NAV1: variants seen among roughly 807,000 people sequenced by gnomAD.
NAV1 encodes pore membrane and/or filament interacting like protein 3.
Under a neutral mutation model 175.2 loss-of-function variants are expected in NAV1, and 18 were observed. The ratio of observed to expected loss-of-function variants is 0.10; its 90% CI spans 0.07 to 0.15. The LOEUF (loss-of-function observed/expected upper bound fraction) is 0.15. Among genes scored for constraint, NAV1 ranks in the 10% least tolerant of loss-of-function variants. The pLI is 1.00. For missense variants in NAV1, 1,731 were observed against 2,436.6 expected (o/e 0.71, Z 6.10); for synonymous variants, 897 against 978.7 (o/e 0.92, Z 1.56).
chr1:201,550,005 C>A (rs1665804684), intron 1 of NAV1, among the ~76,000 whole-genome samples: 2 of 95,320 alleles, frequency 2.1e-5, no homozygotes, highest in Non-Finnish European at 3.9e-5. Flanking sequence ...AGCGAGACTC[C>A]ATCTCAAAAA....
intron 1 of NAV1, among the ~76,000 whole-genome samples, chr1:201,659,212 A>C (rs1015215368): frequency 6.6e-6 from 1 of 152,240 alleles, no homozygotes; most frequent in South Asian, 2.1e-4. Flanking sequence ...TGGCAGGCAT[A>C]AGTGGTGTGG....
chr1:201,809,081 AT>A, intron 20 of NAV1, 82 bp from the exon 25 acceptor site: 1 of 1,438,188 alleles, frequency 7.0e-7, no homozygotes, highest in Non-Finnish European at 9.7e-7. Context: ...AAACAGAGTT[AT>A]TTTGGAAAGG....
exon 30 of NAV1, chr1:201,826,520 G>A (rs957278261): frequency 3.3e-5 from 5 of 152,084 alleles, no homozygotes; most frequent in African/African-American, 4.8e-5. Flanking sequence ...GACAGAGTCC[G>A]TGTTTCTCAA....
Position 201,642,094 on chromosome 1 carries a change from C to T in NAV1, c.5-6540C>T, listed in dbSNP as rs1437211184. Among the ~76,000 whole-genome samples the T allele has an allele frequency of 3.4e-5, 5 of 149,118 alleles. No homozygotes were observed. The East Asian group carries it at 7.9e-4, about 24-fold the overall frequency. On this transcript the variant is annotated intron_variant, in intron 2 of 29. Transcript: ENST00000367302. ...TTCCTTCCTCCCTCCCTCCCTCCTT[C>T]CTTCCCTTCCTCTTTCTTTCTTCCC...
chr1:201,810,527 G>A lies in NAV1; in HGVS notation c.4566G>A (p.Leu1522=). The A allele has an allele frequency of 6.2e-7, 1 of 1,608,642 alleles. No homozygotes were observed. The highest frequency in any genetic ancestry group is 8.5e-7 in the Non-Finnish European group (1 of 1,177,518). ...CTTTCTGGGGTGGGGGTTCAGGTCTGAAGGAGAAATGCGTCGACAGCCTGG... is the reference window on the plus strand; with the variant it reads ...CTTTCTGGGGTGGGGGTTCAGGTCTAAAGGAGAAATGCGTCGACAGCCTGG... Residue 1522 remains leucine (L), a synonymous_variant, in exon 24 of 30, where the codon CTG becomes CTA. Transcript: ENST00000367296. The surrounding 1 kb of genome is among the most constrained non-coding windows in gnomAD (Gnocchi z 6.0).
At chr1:201,621,848 C>T (rs1037546182), upstream of NAV1, among the ~76,000 whole-genome samples, 4 of 152,146 alleles carry the variant, frequency 2.6e-5, no homozygotes, top group African/African-American at 4.8e-5. Context: ...CATTTTTTAA[C>T]CTTTAACTCT....
chr1:201,763,404 A>G (rs770321135), intron 3 of NAV1, among the ~76,000 whole-genome samples: 1 of 152,206 alleles, frequency 6.6e-6, no homozygotes, highest in Non-Finnish European at 1.5e-5. Context: ...TGAGATTCTC[A>G]GTTATCTTTC....
intron 3 of NAV1, among the ~76,000 whole-genome samples, chr1:201,730,887 G>A (rs1458082726): frequency 6.6e-6 from 1 of 152,236 alleles, no homozygotes; most frequent in Non-Finnish European, 1.5e-5. Flanking sequence ...CACTGCAGCT[G>A]AAGAAAGGCC....
chr1:201,628,252 G>A (rs1232666036), intron 1 of NAV1, among the ~76,000 whole-genome samples: 2 of 151,854 alleles, frequency 1.3e-5, no homozygotes, highest in African/African-American at 4.8e-5. Flanking sequence ...ACCCCACCCT[G>A]CACTATCCCC....
At chr1:201,817,261 A>G (rs1571522740) in exon 29 of NAV1, 21 of 1,613,930 alleles carry the variant, frequency 1.3e-5, no homozygotes, top group Non-Finnish European at 1.6e-5. Flanking sequence ...ACAGCACCCC[A>G]AGTTCTCTGG....
chr1:201,592,933 T>C (rs1333623475), intron 2 of NAV1, among the ~76,000 whole-genome samples: 1 of 152,028 alleles, frequency 6.6e-6, no homozygotes, highest in Non-Finnish European at 1.5e-5. Context: ...CATTCTCAAT[T>C]TGGGGCTACG....
chr1:201,809,495 T>C, exon 22 of NAV1: 1 of 1,614,092 alleles, frequency 6.2e-7, no homozygotes, highest in South Asian at 1.1e-5. Flanking sequence ...GTGGAAAAGT[T>C]GACTGGAAGA....
intron 3 of NAV1, among the ~76,000 whole-genome samples, chr1:201,741,366 T>C (rs1041403342): frequency 1.3e-5 from 2 of 152,166 alleles, no homozygotes; most frequent in African/African-American, 4.8e-5. Context: ...GGGGTCACTT[T>C]GCCAAAATGG....
intron 3 of NAV1, among the ~76,000 whole-genome samples, chr1:201,764,721 T>C (rs1052898812): frequency 6.6e-6 from 1 of 152,116 alleles, no homozygotes; most frequent in African/African-American, 2.4e-5. Flanking sequence ...GGAGGCAAGA[T>C]GATAATTTAA....
intron 17 of NAV1, 105 bp downstream of exon 21, chr1:201,804,602 A>T: frequency 1.3e-6 from 1 of 742,966 alleles, no homozygotes; most frequent in Non-Finnish European, 2.1e-6. Flanking sequence ...AAAAAAAAAA[A>T]TGAATGACCA....
At chr1:201,626,296 G>A (rs1035173262) in intron 1 of NAV1, among the ~76,000 whole-genome samples, 9 of 151,990 alleles carry the variant, frequency 5.9e-5, no homozygotes, top group South Asian at 2.1e-4. Flanking sequence ...CCTGCCACCC[G>A]CCCCAGCACC....
intron 3 of NAV1, among the ~76,000 whole-genome samples, chr1:201,775,783 C>T (rs941499830): frequency 2.0e-5 from 3 of 152,118 alleles, no homozygotes; most frequent in African/African-American, 4.8e-5. Flanking sequence ...GAAGCCTGGG[C>T]GCAGTGGCTC....
chr1:201,794,068 A>C, intron 14 of NAV1, 193 bp downstream of exon 18: 1 of 703,994 alleles, frequency 1.4e-6, no homozygotes, highest in Non-Finnish European at 2.6e-6. Context: ...GCCCTTCTCT[A>C]TCAAGTTTTG....
chr1:201,648,269 A>AGGCC, exon 1 of NAV1: 1 of 1,052,042 alleles, frequency 9.5e-7, no homozygotes, highest in Non-Finnish European at 1.1e-6. Flanking sequence ...ACAGGCAGGC[A>AGGCC]GGCCGCGGGC....
Sources: gnomAD v4.1 joint callset for allele counts (sites outside exome capture counted in the v4.1 genomes callset) on GRCh38, gnomAD v4.1.1 for gene constraint, Gnocchi (gnomAD v3.1) non-coding constraint, MANE v1.5 for transcripts, NCBI Gene and HGNC (gene_info 2026-07-23, HGNC 2026-07-21) for gene names.